The following ZMAT5 variants were observed in gnomAD, a reference collection of about 807,000 sequenced individuals.
The protein encoded by ZMAT5 is zinc finger matrin-type protein 5.
In ZMAT5, 23 loss-of-function variants were observed where a neutral mutation model predicts 28.0. That is an observed-to-expected ratio of 0.82 (90% CI 0.59 to 1.16). ZMAT5 has a LOEUF of 1.16. ZMAT5 is among the 50% of genes most tolerant of loss of function. The pLI is 0.00. For missense variants in ZMAT5, 173 were observed against 212.7 expected, an observed-to-expected ratio of 0.81 and a Z score of 1.16; for synonymous variants, 76 against 84.1, an observed-to-expected ratio of 0.90 and a Z score of 0.52.
chr22:29,739,768 T>C (rs988000721), intron 4 of ZMAT5, among the ~76,000 whole-genome samples: 1 of 152,238 alleles, frequency 6.6e-6, no homozygotes, highest in African/African-American at 2.4e-5. Context: ...CCACAAGGCC[T>C]TGCTTCCACC....
chr22:29,740,587 G>T, intron 4 of ZMAT5, 63 bp downstream of exon 4: 2 of 1,504,312 alleles, frequency 1.3e-6, no homozygotes, highest in Non-Finnish European at 9.1e-7. Context: ...AGCTTCCCCG[G>T]TCTCAGAGCC....
intron 1 of ZMAT5, among the ~76,000 whole-genome samples, chr22:29,751,648 G>A (rs1224020661): frequency 6.6e-6 from 1 of 152,128 alleles, no homozygotes; most frequent in Non-Finnish European, 1.5e-5. Context: ...CGCTGGGCTT[G>A]GAATCCAGGT....
At chr22:29,766,210 G>A (rs76492694) in intron 1 of ZMAT5, among the ~76,000 whole-genome samples, 10,207 of 152,232 alleles carry the variant, frequency 0.067, 429 homozygotes, top group Non-Finnish European at 0.088. Context: ...GACATGAGCT[G>A]ACCGGAGTCA....
chr22:29,741,826 A>AT lies in ZMAT5; in HGVS notation c.190+591dup, dbSNP rs950808750. Among the ~76,000 whole-genome samples the AT allele has an allele frequency of 7.2e-5, 11 of 152,052 alleles. No homozygotes were observed. In the South Asian group the frequency reaches 1.2e-3, roughly 17 times the overall value. ...TACCATGCCCAGCTAATTAAAAAAA[A>AT]TTTTTTTGGTAGAGATGGGGTCTCG... On this transcript the variant is annotated intron_variant, in intron 3 of 5. Coordinates refer to ENST00000344318, the MANE Select transcript of ZMAT5 (RefSeq NM_001003692.2).
chr22:29,765,500 G>T (rs2068199949), intron 1 of ZMAT5, among the ~76,000 whole-genome samples: 1 of 152,048 alleles, frequency 6.6e-6, no homozygotes. Context: ...ACATCTGCTA[G>T]CTTGCTCTGT....
Position 29,738,363 on chromosome 22 carries a change from C to G in ZMAT5, c.350G>C (p.Arg117Thr), listed in dbSNP as rs763411497. ...EGHLEDWLEK[R>T]AKRLSSAPSS... ...TGGGGCTGAGCTCAGCCGCTTGGCT[C>G]TCTTCTCCAGCCAGTCCTCCAGATG... The change falls in exon 5 of 6, where the codon AGA becomes ACA. Residue 117 changes from arginine (R) to threonine (T), a missense_variant. Coordinates refer to ENST00000344318, the MANE Select transcript of ZMAT5 (RefSeq NM_001003692.2). 6.2e-7 allele frequency: 1 copy of G among 1,610,304 alleles called. No individual in the cohort carries two copies. The highest frequency in any genetic ancestry group is 8.5e-7 in the Non-Finnish European group (1 of 1,179,870).
Position 29,730,968 on chromosome 22 carries a change from CTT to C in ZMAT5, c.*255_*256del, listed in dbSNP as rs1410932906. ...ACAGCCAGACCACTGTGGTGACAGA[CTT>C]TCTTTATAAACATTTGGAAGTTTTC... is the stretch of plus-strand genomic sequence containing the variant. On this transcript the variant is annotated 3_prime_UTR_variant, in exon 6 of 6. Transcript: ENST00000344318. 1 of 334,546 alleles carries C rather than the reference CTT, an allele frequency of 3.0e-6. No individual in the cohort carries two copies. The highest frequency in any genetic ancestry group is 5.3e-6 in the Non-Finnish European group (1 of 187,438). 20.7% of individuals were successfully genotyped at this position (334,546 alleles called of 1,614,324 possible).
Position 29,738,397 on chromosome 22 carries a change from G to T in ZMAT5, c.316C>A (p.Pro106Thr), listed in dbSNP as rs779667412. 4 of 1,610,790 alleles carry T rather than the reference G, an allele frequency of 2.5e-6. No individual in the cohort carries two copies. The highest frequency in any genetic ancestry group is 2.2e-5 in the East Asian group (1 of 44,836). Residue 106 changes from proline (P) to threonine (T), a missense_variant, in exon 5 of 6, where the codon CCC (proline) becomes ACC (threonine). Coordinates refer to ENST00000344318, the MANE Select transcript of ZMAT5 (RefSeq NM_001003692.2). ...REWLLDAPEL[P>T]EGHLEDWLEK... is the part of the protein sequence containing the mutation. ...AGCCAGTCCTCCAGATGGCCCTCGG[G>T]GAGCTCAGGAGCATCTAGTAGCCAC...
intron 5 of ZMAT5, among the ~76,000 whole-genome samples, chr22:29,733,580 C>T (rs1362101056): frequency 3.9e-5 from 6 of 152,186 alleles, no homozygotes; most frequent in African/African-American, 1.4e-4. Flanking sequence ...GGGGAGATTT[C>T]ATAAACTCCA....
intron 5 of ZMAT5, among the ~76,000 whole-genome samples, chr22:29,737,626 C>T (rs1251954116): frequency 6.6e-6 from 1 of 152,180 alleles, no homozygotes; most frequent in Non-Finnish European, 1.5e-5. Flanking sequence ...TTTTCCTCCC[C>T]TCCCTCCTTC....
At chr22:29,755,458 A>G (rs988136793) in intron 1 of ZMAT5, among the ~76,000 whole-genome samples, 2 of 151,626 alleles carry the variant, frequency 1.3e-5, no homozygotes, top group Admixed American at 6.6e-5. Context: ...AAAGAAGAAA[A>G]CTAGTCAAGG....
chr22:29,739,406 G>A (rs767940126), intron 4 of ZMAT5, among the ~76,000 whole-genome samples: 10 of 151,980 alleles, frequency 6.6e-5, no homozygotes, highest in African/African-American at 2.2e-4. Flanking sequence ...GAGCTCACTC[G>A]GGGCCGGGCC....
chr22:29,755,338 A>AAAGGGAGG (rs2068089728), intron 1 of ZMAT5, among the ~76,000 whole-genome samples: 1 of 39,266 alleles, frequency 2.5e-5, no homozygotes, highest in African/African-American at 9.4e-5. Flanking sequence ...AGAGAGAGAG[A>AAAGGGAGG]GAGGGAGGGA....
intron 2 of ZMAT5, among the ~76,000 whole-genome samples, chr22:29,742,791 G>T (rs1371407988): frequency 3.9e-5 from 6 of 151,964 alleles, no homozygotes; most frequent in Non-Finnish European, 7.4e-5. Context: ...GGGACTTTGG[G>T]TTTTTTTGTT....
At position 29,758,116 on chromosome 22, in the gene ZMAT5, G is replaced by T. The variant is rs567828099; in HGVS notation, c.-28+8756C>A. On this transcript the variant is annotated intron_variant, in intron 1 of 5. Coordinates refer to ENST00000344318, the MANE Select transcript of ZMAT5 (RefSeq NM_001003692.2). ...GCCACACTGTGAGCAGCCCTGCAGG[G>T]TGGCCCACGTGGCAAGGAACTGAGA... Among the ~76,000 whole-genome samples, 159 of 152,246 alleles carry T rather than the reference G, an allele frequency of 1.0e-3. 1 individual carries two copies. Among genetic ancestry groups the T allele is most frequent in the Middle Eastern group, 6.8e-3 (2 of 294 alleles).
At chr22:29,760,481 G>A (rs377078009) in intron 1 of ZMAT5, among the ~76,000 whole-genome samples, 22 of 152,218 alleles carry the variant, frequency 1.4e-4, no homozygotes, top group African/African-American at 5.1e-4. Flanking sequence ...GAAGGTTGCA[G>A]TGAGCCCAGA....
chr22:29,761,585 A>G (rs2068158397), intron 1 of ZMAT5, among the ~76,000 whole-genome samples: 1 of 152,080 alleles, frequency 6.6e-6, no homozygotes, highest in Admixed American at 6.6e-5. Flanking sequence ...AGAGTGAGAC[A>G]CTGTCTCAGA....
At chr22:29,765,414 C>CAA (rs201498551) in intron 1 of ZMAT5, among the ~76,000 whole-genome samples, 1 of 147,830 alleles carries the variant, frequency 6.8e-6, no homozygotes, top group African/African-American at 2.5e-5. Context: ...GACTCTGTCT[C>CAA]AAAAAAAAAC....
intron 5 of ZMAT5, among the ~76,000 whole-genome samples, chr22:29,732,040 A>G (rs1408391579): frequency 6.6e-6 from 1 of 152,158 alleles, no homozygotes; most frequent in South Asian, 2.1e-4. Flanking sequence ...CTTGGGGTCC[A>G]TGTAAGTACT....
Sources: allele counts gnomAD v4.1 joint callset (sites outside exome capture counted in the v4.1 genomes callset), GRCh38; gene constraint gnomAD v4.1.1; transcripts MANE v1.5; gene names NCBI Gene and HGNC (gene_info 2026-07-23, HGNC 2026-07-21).